The following CAMTA1 variants were observed in gnomAD, a reference collection of about 807,000 sequenced individuals.
CAMTA1 encodes the protein calmodulin-binding transcription activator 1.
CAMTA1 carries 27 observed loss-of-function variants against 170.9 expected under a neutral mutation model. That is an observed-to-expected ratio of 0.16 (90% CI 0.12 to 0.22). CAMTA1 has a LOEUF of 0.22. Among genes scored for constraint, CAMTA1 ranks in the 10% least tolerant of loss-of-function variants. CAMTA1 has a pLI of 1.00. For missense variants in CAMTA1, 1,619 were observed against 2,217.2 expected (o/e 0.73, Z 5.42); for synonymous variants, 833 against 891.5 (o/e 0.93, Z 1.17).
At chr1:7,649,291 CT>C (rs2149016449) in intron 7 of CAMTA1, among the ~76,000 whole-genome samples, 1 of 152,360 alleles carries the variant, frequency 6.6e-6, no homozygotes, top group African/African-American at 2.4e-5. Context: ...AGCTCGGTCC[CT>C]GAGAGCAGAG....
Position 7,753,506 on chromosome 1 carries a change from T to C in CAMTA1, c.4958+973T>C, listed in dbSNP as rs550989020. Among the ~76,000 whole-genome samples the C allele has an allele frequency of 4.2e-3, 633 of 152,358 alleles. 1 individual carries two copies. The highest frequency in any genetic ancestry group is 7.1e-3 in the Non-Finnish European group (480 of 68,030). ...TATACCAAAAGTCCTAGTATTCATA[T>C]TTAATTGGATTCCTTGGATGTTTCA... is the stretch of plus-strand genomic sequence containing the variant. On this transcript the variant is annotated intron_variant, in intron 21 of 22. Transcript: ENST00000303635.
intron 1 of CAMTA1, among the ~76,000 whole-genome samples, chr1:6,789,044 G>C (rs1217047570): frequency 6.6e-6 from 1 of 152,050 alleles, no homozygotes; most frequent in Admixed American, 6.6e-5. Context: ...GACTAGGTTG[G>C]GTGACCTCTT....
In CAMTA1 at chr1:7,251,952, T is replaced by C. The variant is rs553518120; in HGVS notation, c.438+2326T>C. Among the ~76,000 whole-genome samples, 271 of 152,326 alleles carry C rather than the reference T, an allele frequency of 1.8e-3. 1 individual carries two copies. The highest frequency in any genetic ancestry group is 6.2e-3 in the African/African-American group (256 of 41,566). ...TTCCACTCTGCATTGTGGTCTGAGC[T>C]GTGTCTATGTTGATATTGAGGTCTC... On this transcript the variant is annotated intron_variant, in intron 5 of 22. Transcript: ENST00000303635. The surrounding 1 kb of genome is among the most constrained non-coding windows in gnomAD (Gnocchi z 5.1).
At chr1:7,123,565 T>C (rs1644765797) in intron 4 of CAMTA1, among the ~76,000 whole-genome samples, 1 of 152,144 alleles carries the variant, frequency 6.6e-6, no homozygotes, top group Admixed American at 6.5e-5. Context: ...TGTGCCAGGC[T>C]CTTTCTCACC....
chr1:7,132,218 G>C (rs1645302567), intron 4 of CAMTA1, among the ~76,000 whole-genome samples: 1 of 152,190 alleles, frequency 6.6e-6, no homozygotes, highest in South Asian at 2.1e-4. Flanking sequence ...GGATTGCTTT[G>C]AATGTATAGG....
At chr1:7,451,221 T>G (rs1248973915) in intron 5 of CAMTA1, among the ~76,000 whole-genome samples, 1 of 152,194 alleles carries the variant, frequency 6.6e-6, no homozygotes, top group Non-Finnish European at 1.5e-5. Context: ...ATCTGCAGAT[T>G]GCACTTCTTG....
chr1:6,887,903 G>A lies in CAMTA1; in HGVS notation c.234+62693G>A, dbSNP rs138999762. 3.4e-4 allele frequency: 462 copies of A among 1,374,142 alleles called. 1 individual carries two copies. The African/African-American group carries it at 5.2e-3, about 16-fold the overall frequency. The allele number at this position is 1,374,142 out of a possible 1,614,324, so 85.1% of individuals were successfully genotyped here. On this transcript the variant is annotated intron_variant, in intron 3 of 22. Coordinates refer to ENST00000303635, the MANE Select transcript of CAMTA1 (RefSeq NM_015215.4). The surrounding 1 kb of genome is among the most constrained non-coding windows in gnomAD (Gnocchi z 4.1). ...AAAGTGACCTACTCTTGCCTCATCC[G>A]GAGTTATTACGAAGGAGCTCCGCAG...
intron 5 of CAMTA1, among the ~76,000 whole-genome samples, chr1:7,295,258 G>A (rs1020858958): frequency 1.4e-4 from 21 of 152,254 alleles, no homozygotes; most frequent in East Asian, 3.9e-4. Flanking sequence ...ACACATGCCC[G>A]TACTCAATGC....
chr1:6,992,108 C>T (rs1696479496), intron 3 of CAMTA1, among the ~76,000 whole-genome samples: 1 of 151,996 alleles, frequency 6.6e-6, no homozygotes, highest in Non-Finnish European at 1.5e-5. Context: ...CTTACTCTGT[C>T]ACCCAGGCTG....
chr1:7,704,055 G>C (rs1344788315), intron 11 of CAMTA1, among the ~76,000 whole-genome samples: 16 of 151,902 alleles, frequency 1.1e-4, no homozygotes, highest in African/African-American at 3.9e-4. Context: ...CCCCGCCCTG[G>C]CCCTCCCCGG....
At chr1:7,238,819 G>C (rs1040305963) in intron 4 of CAMTA1, among the ~76,000 whole-genome samples, 2 of 152,212 alleles carry the variant, frequency 1.3e-5, no homozygotes, top group Non-Finnish European at 2.9e-5. Flanking sequence ...GGAGGTGCAA[G>C]TTGCAGTGAG....
rs145192651 is a variant in CAMTA1, at chr1:7,551,251, C to T, written c.510+83350C>T. Among the ~76,000 whole-genome samples, 358 of 152,104 alleles carry T rather than the reference C, an allele frequency of 2.4e-3. 1 individual carries two copies. The highest frequency in any genetic ancestry group is 8.4e-3 in the African/African-American group (347 of 41,488). Reference sequence around the variant, plus strand: ...TCACATCCTGTGCCCAGCTGGGCTCCGGAGGTCGGACAAGAGCTGCAGGGC... The same window carrying T: ...TCACATCCTGTGCCCAGCTGGGCTCTGGAGGTCGGACAAGAGCTGCAGGGC... On this transcript the variant is annotated intron_variant, in intron 6 of 22. Transcript: ENST00000303635.
At chr1:6,850,679 C>T (rs549490257) in intron 3 of CAMTA1, among the ~76,000 whole-genome samples, 3 of 152,250 alleles carry the variant, frequency 2.0e-5, no homozygotes, top group South Asian at 2.1e-4. Context: ...TAGGGAAGCC[C>T]AAGATGTGAG....
At chr1:7,698,877 T>G (rs2096407715) in intron 11 of CAMTA1, 1 of 152,276 alleles carries the variant, frequency 6.6e-6, no homozygotes, top group African/African-American at 2.4e-5. Flanking sequence ...TGTGCCAGTC[T>G]CATCTCCTCA....
chr1:7,688,011 C>CTTTTTTTTTTTTTTTTT lies in CAMTA1; in HGVS notation c.2914+10279_2914+10295dup, dbSNP rs70987364. Among the ~76,000 whole-genome samples the CTTTTTTTTTTTTTTTTT allele has an allele frequency of 5.3e-3, 548 of 103,208 alleles. 34 individuals are homozygous for CTTTTTTTTTTTTTTTTT. The highest frequency in any genetic ancestry group is 0.01 in the African/African-American group (270 of 26,898). The allele number at this position is 103,208 out of a possible 152,430, so 67.7% of individuals were successfully genotyped here. A position where few individuals can be genotyped will look rare whatever the true frequency, so the allele number is the denominator to read the frequency against. ...CGATTACGTCGGACTCTCATTATTC[C>CTTTTTTTTTTTTTTTTT]TTTTTTTTTTTTTTTTTGGCAGAGT... On this transcript the variant is annotated intron_variant, in intron 11 of 22. Coordinates refer to ENST00000303635, the MANE Select transcript of CAMTA1 (RefSeq NM_015215.4).
At chr1:7,591,921 G>A (rs2095358402) in intron 6 of CAMTA1, among the ~76,000 whole-genome samples, 1 of 152,064 alleles carries the variant, frequency 6.6e-6, no homozygotes, top group Non-Finnish European at 1.5e-5. Flanking sequence ...ATTTTGAGAT[G>A]GAGTTTCGCT....
At chr1:7,213,106 T>C (rs1302852723) in intron 4 of CAMTA1, among the ~76,000 whole-genome samples, 1 of 152,228 alleles carries the variant, frequency 6.6e-6, no homozygotes, top group African/African-American at 2.4e-5. Flanking sequence ...CACAGATTTT[T>C]ATTTCTTTGA....
chr1:7,689,472 G>C (rs544028146), intron 11 of CAMTA1, among the ~76,000 whole-genome samples: 3 of 151,916 alleles, frequency 2.0e-5, no homozygotes, highest in African/African-American at 7.3e-5. Flanking sequence ...CCAGCTACTC[G>C]GGAGGCTGAG....
At chr1:6,830,683 A>G (rs950433378) in intron 3 of CAMTA1, among the ~76,000 whole-genome samples, 1 of 152,116 alleles carries the variant, frequency 6.6e-6, no homozygotes, top group Non-Finnish European at 1.5e-5. Flanking sequence ...ATTACAATAT[A>G]AACTGCACCC....
Sources: allele counts gnomAD v4.1 joint callset (sites outside exome capture counted in the v4.1 genomes callset), GRCh38; gene constraint gnomAD v4.1.1; non-coding constraint Gnocchi (gnomAD v3.1); transcripts MANE v1.5; gene names NCBI Gene and HGNC (gene_info 2026-07-23, HGNC 2026-07-21).